Variants in ANKRD30B observed in about 807,000 individuals in gnomAD.
ANKRD30B encodes the protein ankyrin repeat domain 30B, also known as ankyrin repeat domain-containing protein 30B.
In ANKRD30B, 144 loss-of-function variants were observed where a neutral mutation model predicts 202.2. The observed-to-expected ratio is 0.71, with a 90% CI of 0.62 to 0.82. The LOEUF (loss-of-function observed/expected upper bound fraction) is 0.82. ANKRD30B is among the 40% of genes least tolerant of loss of function. The pLI is 0.00. For missense variants in ANKRD30B, 1,487 were observed against 1,669.1 expected, an observed-to-expected ratio of 0.89 and a Z score of 1.90; for synonymous variants, 508 against 561.3, an observed-to-expected ratio of 0.91 and a Z score of 1.34.
intron 26 of ANKRD30B, 104 bp from the exon 27 acceptor site, chr18:14,809,882 C>T: frequency 8.8e-7 from 1 of 1,130,774 alleles, no homozygotes. Context: ...AATCCCTTTT[C>T]AATCCAAGCA....
the ANKRD30B span, among the ~76,000 whole-genome samples, chr18:14,864,958 G>A: frequency 1.3e-5 from 2 of 151,178 alleles, no homozygotes; most frequent in Non-Finnish European, 2.9e-5. Flanking sequence ...AGCCTTCCCC[G>A]CTTCCCGCTC....
the ANKRD30B span, among the ~76,000 whole-genome samples, chr18:14,889,269 A>G: frequency 6.6e-6 from 1 of 152,082 alleles, no homozygotes; most frequent in African/African-American, 2.4e-5. Flanking sequence ...TATAACTAGC[A>G]GAACATCTGC....
the ANKRD30B span, among the ~76,000 whole-genome samples, chr18:14,911,752 A>T: frequency 6.6e-6 from 1 of 152,284 alleles, no homozygotes; most frequent in Admixed American, 6.5e-5. Flanking sequence ...CTTCCAATCC[A>T]TGAGCATGGG....
chr18:14,816,498 T>A (rs559788485), intron 30 of ANKRD30B: 1 of 151,944 alleles, frequency 6.6e-6, no homozygotes, highest in African/African-American at 2.4e-5. Context: ...TACAAAAAAT[T>A]AGCCAAGCAT....
chr18:14,908,942 T>C, the ANKRD30B span, among the ~76,000 whole-genome samples: 2 of 152,198 alleles, frequency 1.3e-5, no homozygotes, highest in Non-Finnish European at 2.9e-5. Flanking sequence ...TCACTGCCAC[T>C]AGTCCTGCCA....
the ANKRD30B span, among the ~76,000 whole-genome samples, chr18:14,902,255 C>G: frequency 6.6e-6 from 1 of 152,108 alleles, no homozygotes; most frequent in Non-Finnish European, 1.5e-5. Flanking sequence ...CAAAGCCAAA[C>G]CATATTACAA....
At chr18:14,831,284 T>C (rs1970926605) in intron 33 of ANKRD30B, 99 bp from the exon 34 acceptor site, 1 of 771,230 alleles carries the variant, frequency 1.3e-6, no homozygotes, top group South Asian at 1.7e-5. Flanking sequence ...ATTTTGTTTT[T>C]TGTTCTCATT....
the ANKRD30B span, among the ~76,000 whole-genome samples, chr18:14,860,040 C>G: frequency 4.9e-5 from 6 of 123,084 alleles, no homozygotes; most frequent in South Asian, 2.8e-4. Flanking sequence ...ACAACCCAGA[C>G]AGGGTGGCCG....
the ANKRD30B span, among the ~76,000 whole-genome samples, chr18:14,932,540 G>T: frequency 6.6e-6 from 1 of 152,028 alleles, no homozygotes; most frequent in African/African-American, 2.4e-5. Flanking sequence ...GGGTTTCACC[G>T]TGTTAGCCAG....
At chr18:14,838,199 G>C (rs985674508) in intron 36 of ANKRD30B, among the ~76,000 whole-genome samples, 15 of 152,238 alleles carry the variant, frequency 9.9e-5, no homozygotes, top group African/African-American at 3.6e-4. Flanking sequence ...ATCTACTTGA[G>C]TTCTGAAGTT....
the ANKRD30B span, among the ~76,000 whole-genome samples, chr18:14,897,558 T>C: frequency 6.6e-6 from 1 of 152,198 alleles, no homozygotes; most frequent in Non-Finnish European, 1.5e-5. Context: ...TGATTTTAGA[T>C]GTTATGAAAA....
chr18:14,831,583 A>G (rs1461670575), intron 34 of ANKRD30B, 128 bp downstream of exon 34: 11 of 530,332 alleles, frequency 2.1e-5, no homozygotes. Context: ...TGGTCACATA[A>G]AAACATTTTA....
chr18:14,836,994 A>G (rs1971204098), intron 34 of ANKRD30B, among the ~76,000 whole-genome samples: 1 of 152,174 alleles, frequency 6.6e-6, no homozygotes, highest in African/African-American at 2.4e-5. Context: ...TTGTTTTCAC[A>G]TATCTCTACC....
chr18:14,843,341 T>C (rs2775801), intron 39 of ANKRD30B, among the ~76,000 whole-genome samples: 50,423 of 152,058 alleles, frequency 0.33, 8,816 homozygotes, highest in Non-Finnish European at 0.39. Flanking sequence ...ATGTTTTGTA[T>C]TGGGAATGTC....
At chr18:14,826,656 T>TTC (rs376160221) in intron 32 of ANKRD30B, among the ~76,000 whole-genome samples, 17 of 131,452 alleles carry the variant, frequency 1.3e-4, no homozygotes, top group East Asian at 4.7e-4. Context: ...TCTGTATTGT[T>TTC]TCTCTCTCTC....
At chr18:14,865,210 T>C in the ANKRD30B span, among the ~76,000 whole-genome samples, 1 of 151,792 alleles carries the variant, frequency 6.6e-6, no homozygotes, top group African/African-American at 2.4e-5. Context: ...CTTTTCACTT[T>C]CCTCCTCGCC....
At chr18:14,839,148 G>A (rs1971301848) in intron 36 of ANKRD30B, among the ~76,000 whole-genome samples, 1 of 152,208 alleles carries the variant, frequency 6.6e-6, no homozygotes, top group Non-Finnish European at 1.5e-5. Flanking sequence ...GAATATCCAA[G>A]ATGAAAGATT....
intron 1 of ANKRD30B, among the ~76,000 whole-genome samples, chr18:14,750,857 A>G (rs1406376105): frequency 6.6e-6 from 1 of 152,104 alleles, no homozygotes; most frequent in Non-Finnish European, 1.5e-5. Context: ...ATCTGAAATT[A>G]TGTCCAAAAT....
the ANKRD30B span, among the ~76,000 whole-genome samples, chr18:14,864,474 C>A: frequency 6.6e-6 from 1 of 152,230 alleles, no homozygotes; most frequent in South Asian, 2.1e-4. Flanking sequence ...TTGGCTCCCT[C>A]TCTCACCACC....
Sources: gnomAD v4.1 joint callset for allele counts (sites outside exome capture counted in the v4.1 genomes callset) on GRCh38, gnomAD v4.1.1 for gene constraint, MANE v1.5 for transcripts, NCBI Gene and HGNC (gene_info 2026-07-23, HGNC 2026-07-21) for gene names.